Variants in SLC13A4 observed in about 807,000 individuals in gnomAD.
The protein encoded by SLC13A4 is Na(+)/sulfate cotransporter SUT-1.
In SLC13A4, 28 loss-of-function variants were observed where a neutral mutation model predicts 72.7. That is an observed-to-expected ratio of 0.39 (90% confidence interval 0.29 to 0.53). SLC13A4 has a LOEUF of 0.53. SLC13A4 is among the 20% of genes least tolerant of loss of function. The pLI, the probability that SLC13A4 is intolerant of heterozygous loss-of-function variation, is 0.78. For synonymous variants in SLC13A4, 312 were observed against 325.5 expected (o/e 0.96, Z 0.45); for missense variants, 653 against 788.0 (o/e 0.83, Z 2.05).
Position 135,684,119 on chromosome 7 carries a change from C to T in SLC13A4, c.1746+5G>A, listed in dbSNP as rs1487064876. On this transcript the variant is annotated splice_donor_5th_base_variant and intron_variant, in intron 15 of 15. Transcript: ENST00000682651. ...GCCTGGCAGGGAGAGGGCACCCCAA[C>T]TCACCATATCTTTGATCTGGCAGTG... 1.3e-6 allele frequency: 2 copies of T among 1,595,718 alleles called. No homozygotes were observed. The highest frequency in any genetic ancestry group is 1.7e-6 in the Non-Finnish European group (2 of 1,167,492).
rs777248619 is a variant in SLC13A4 at position 135,708,261 on chromosome 7, G to T, written c.229-11C>A. 3.7e-6 allele frequency: 6 copies of T among 1,614,010 alleles called. No homozygotes were observed. Among genetic ancestry groups the T allele is most frequent in the Non-Finnish European group, 5.1e-6 (6 of 1,179,922 alleles). ...GTACTCCGCCGCCACCTGTAGGGAG[G>T]CCAGGCATGTCAGTCACCCTCCCGG... On this transcript the variant is annotated splice_polypyrimidine_tract_variant and intron_variant, in intron 2 of 15. Transcript: ENST00000682651.
intron 2 of SLC13A4, 38 bp from the exon 3 acceptor site, chr7:135,708,288 C>T: frequency 6.2e-7 from 1 of 1,612,744 alleles, no homozygotes; most frequent in Non-Finnish European, 8.5e-7. Context: ...CCCTCCCGGA[C>T]CAAAGACCCA....
At chr7:135,692,213 TG>T in intron 11 of SLC13A4, 109 bp downstream of exon 11, 1 of 814,052 alleles carries the variant, frequency 1.2e-6, no homozygotes, top group Non-Finnish European at 2.1e-6. Context: ...GTGGATTTCC[TG>T]GGGAATGAAA....
Position 135,703,014 on chromosome 7 carries a change from A to G in SLC13A4, c.594-130T>C, listed in dbSNP as rs1796076691. The stretch of plus-strand genomic sequence containing the variant: ...GATTCCAGTTTTCTAGTCTCCAGAG[A>G]AGACTAATCTCTCCCTTGTCTTCCT... On this transcript the variant is annotated intron_variant, in intron 5 of 15. Coordinates refer to ENST00000682651, the MANE Select transcript of SLC13A4 (RefSeq NM_001318192.2). The G allele has an allele frequency of 7.4e-6, 5 of 671,506 alleles. No individual in the cohort carries two copies. In the East Asian group the frequency reaches 1.3e-4, roughly 18 times the overall value. 41.6% of individuals were successfully genotyped at this position (671,506 alleles called of 1,614,324 possible).
chr7:135,692,358 A>G lies in SLC13A4; in HGVS notation c.1188T>C (p.Pro396=), dbSNP rs1282178966. 6.2e-7 allele frequency: 1 copy of G among 1,613,838 alleles called. No individual in the cohort carries two copies. Among genetic ancestry groups the G allele is most frequent in the Non-Finnish European group, 8.5e-7 (1 of 1,179,862 alleles). ...AAGAATCCCAGCCAGGGACAAAGCC[A>G]GGCTCCCGGGTAAACCACAGTACGG... ...LMTVLWFTRE[P]GFVPGWDSFF... Residue 396 remains proline, a synonymous_variant, in exon 11 of 16, where the codon CCT becomes CCC. Coordinates refer to ENST00000682651, the MANE Select transcript of SLC13A4 (RefSeq NM_001318192.2).
At chr7:135,698,334 C>CTTT (rs10563133) in intron 8 of SLC13A4, among the ~76,000 whole-genome samples, 1 of 104,420 alleles carries the variant, frequency 9.6e-6, no homozygotes, top group Non-Finnish European at 1.9e-5. Context: ...TGCTGGGACT[C>CTTT]TTTTTTTTTT....
rs746747720 is a variant in SLC13A4 at position 135,706,199 on chromosome 7, T to C, written c.467A>G (p.Gln156Arg). 1 of 1,613,986 alleles carries C rather than the reference T, an allele frequency of 6.2e-7. No homozygotes were observed. Among genetic ancestry groups the C allele is most frequent in the Non-Finnish European group, 8.5e-7 (1 of 1,179,880 alleles). The stretch of plus-strand genomic sequence containing the variant: ...CTCGTCCTCAGCACTGACCAGCTCC[T>C]GCAGCACGGCCTCCACGATGGGCAT... ...MVMPIVEAVL[Q>R]ELVSAEDEQL... is the part of the protein sequence containing the mutation. Residue 156 changes from glutamine to arginine, a missense_variant, in exon 4 of 16, where the codon CAG becomes CGG. Gln to Arg is a conservative substitution (Grantham distance 43). Coordinates refer to ENST00000682651, the MANE Select transcript of SLC13A4 (RefSeq NM_001318192.2).
intron 13 of SLC13A4, among the ~76,000 whole-genome samples, chr7:135,686,192 G>T (rs1041652041): frequency 2.0e-5 from 3 of 152,192 alleles, no homozygotes; most frequent in African/African-American, 7.2e-5. Context: ...TTAAGGAGAT[G>T]AACAGGCAGG....
chr7:135,715,075 T>C (rs1796386026), intron 2 of SLC13A4, among the ~76,000 whole-genome samples: 1 of 124,094 alleles, frequency 8.1e-6, no homozygotes, highest in African/African-American at 3.2e-5. Flanking sequence ...TGTGTGTGTA[T>C]GATGTGTGTG....
At chr7:135,685,328 G>T (rs1405826098) in intron 14 of SLC13A4, among the ~76,000 whole-genome samples, 194 bp downstream of exon 14, 2 of 152,176 alleles carry the variant, frequency 1.3e-5, no homozygotes, top group Non-Finnish European at 2.9e-5. Context: ...TGATTTATTA[G>T]TGTATCTTTT....
rs578243943 is a variant in SLC13A4 at position 135,725,248 on chromosome 7, C to T, written c.99+2150G>A. ...CTACTCACTTAGGCGTGGAACTGCT[C>T]GTTTTCCACGCAGTTTGACCACCCC... On this transcript the variant is annotated intron_variant, in intron 1 of 15. Coordinates refer to ENST00000682651, the MANE Select transcript of SLC13A4 (RefSeq NM_001318192.2). Among the ~76,000 whole-genome samples the T allele has an allele frequency of 3.9e-5, 6 of 152,340 alleles. No individual in the cohort carries two copies. The South Asian group carries it at 8.3e-4, about 21-fold the overall frequency.
rs1318575693 is a variant in SLC13A4, at chr7:135,712,900, C to T, written c.229-4650G>A. 6.6e-5 allele frequency among the ~76,000 whole-genome samples: 10 copies of T among 152,160 alleles called. No individual in the cohort carries two copies. The East Asian group carries it at 7.7e-4, about 12-fold the overall frequency. On this transcript the variant is annotated intron_variant, in intron 2 of 15. Transcript: ENST00000682651. ...ATCAACAGAGCCTGTGCATTCTCCC[C>T]GGCTTCTTGTGAGACATGTGCCAAC... is the stretch of plus-strand genomic sequence containing the variant.
chr7:135,706,390 G>T, intron 3 of SLC13A4, 90 bp from the exon 4 acceptor site: 1 of 1,359,908 alleles, frequency 7.4e-7, no homozygotes, highest in Non-Finnish European at 1.0e-6. Flanking sequence ...TGCTGGGGCT[G>T]GTCTAGACAG....
At chr7:135,686,274 A>C (rs1795621625) in intron 13 of SLC13A4, among the ~76,000 whole-genome samples, 1 of 152,218 alleles carries the variant, frequency 6.6e-6, no homozygotes, top group African/African-American at 2.4e-5. Flanking sequence ...TTAGTGGAGA[A>C]GGTGCCTCTT....
Position 135,718,814 on chromosome 7 carries a change from C to T in SLC13A4, c.228+2581G>A, listed in dbSNP as rs575216252. 4.6e-5 allele frequency among the ~76,000 whole-genome samples: 7 copies of T among 152,260 alleles called. No individual in the cohort carries two copies. In the East Asian group the frequency reaches 1.4e-3, roughly 29 times the overall value. On this transcript the variant is annotated intron_variant, in intron 2 of 15. Transcript: ENST00000682651. Reference sequence around the variant, plus strand: ...CTAAAGAGCACCAGCCTAGCTTCCCCCTGTGAGCCATGGCACATTCTGGTG... The same window carrying T: ...CTAAAGAGCACCAGCCTAGCTTCCCTCTGTGAGCCATGGCACATTCTGGTG...
intron 5 of SLC13A4, chr7:135,703,937 G>C (rs1796100839): frequency 6.6e-6 from 1 of 152,312 alleles, no homozygotes; most frequent in African/African-American, 2.4e-5. Flanking sequence ...GGTAGCATGG[G>C]AGGTGGTGGC....
rs1205684637 is a variant in SLC13A4 at position 135,727,536 on chromosome 7, C to T, written c.-40G>A. 3 of 1,527,834 alleles carry T rather than the reference C, an allele frequency of 2.0e-6. No individual in the cohort carries two copies. Among genetic ancestry groups the T allele is most frequent in the East Asian group, 2.5e-5 (1 of 40,382 alleles). The allele number at this position is 1,527,834 out of a possible 1,614,324, so 94.6% of individuals were successfully genotyped here. ...CTCCAGCTCGTCCTTGGACCCCGCTCTGCCGGCGAAAGGCTTCCTGCCTGG... is the reference window on the plus strand; with the variant it reads ...CTCCAGCTCGTCCTTGGACCCCGCTTTGCCGGCGAAAGGCTTCCTGCCTGG... On this transcript the variant is annotated 5_prime_UTR_variant, in exon 1 of 16. Coordinates refer to ENST00000682651, the MANE Select transcript of SLC13A4 (RefSeq NM_001318192.2).
chr7:135,681,628 T>C lies in SLC13A4; in HGVS notation c.1819A>G (p.Ser607Gly), dbSNP rs146969240. Residue 607 changes from serine (S) to glycine (G), a missense_variant, in exon 16 of 16, where the codon AGC becomes GGC. Coordinates refer to ENST00000682651, the MANE Select transcript of SLC13A4 (RefSeq NM_001318192.2). ...VMVAINTWGV[S>G]LFHLDTYPAW... ...GGGTAAGTGTCCAGGTGGAAGAGGC[T>C]AACTCCCCAGGTGTTGATGGCCACC... The C allele has an allele frequency of 5.6e-6, 9 of 1,614,040 alleles. No homozygotes were observed. The highest frequency in any genetic ancestry group is 1.7e-5 in the Admixed American group (1 of 60,008).
intron 2 of SLC13A4, among the ~76,000 whole-genome samples, chr7:135,715,358 AGTGTAT>A (rs1796403310): frequency 7.9e-6 from 1 of 126,646 alleles, no homozygotes; most frequent in African/African-American, 3.2e-5. Flanking sequence ...CGTGTGTATG[AGTGTAT>A]GTGTATGAGT....
Sources: allele counts gnomAD v4.1 joint callset (sites outside exome capture counted in the v4.1 genomes callset), GRCh38; gene constraint gnomAD v4.1.1; transcripts MANE v1.5; gene names NCBI Gene and HGNC (gene_info 2026-07-23, HGNC 2026-07-21).